ZNF69: variants seen among roughly 807,000 people sequenced by gnomAD.
ZNF69 encodes zinc finger protein 69.
Under a neutral mutation model 50.9 loss-of-function variants are expected in ZNF69, and 47 were observed. That is an observed-to-expected ratio of 0.92 (90% CI 0.73 to 1.18). ZNF69 has a LOEUF of 1.18. Among genes scored for constraint, ZNF69 ranks in the 50% most tolerant of loss-of-function variants. The pLI, the probability that ZNF69 is intolerant of heterozygous loss-of-function variation, is 0.00. For missense variants in ZNF69, 717 were observed against 675.1 expected (o/e 1.06, Z -0.69); for synonymous variants, 216 against 223.1 (o/e 0.97, Z 0.29).
chr19:11,907,146 T>C (rs200031681), downstream of ZNF69, among the ~76,000 whole-genome samples: 1 of 151,826 alleles, frequency 6.6e-6, no homozygotes, highest in Non-Finnish European at 1.5e-5. Flanking sequence ...TAAAAAGAAA[T>C]GAAAAAGCCT....
the ZNF69 span, chr19:11,948,451 A>G: frequency 1.2e-6 from 2 of 1,614,130 alleles, no homozygotes; most frequent in Non-Finnish European, 8.5e-7. Context: ...ATCTTTTAAT[A>G]TGAGCATCAG....
the ZNF69 span, among the ~76,000 whole-genome samples, chr19:11,944,657 T>C: frequency 6.6e-6 from 1 of 152,224 alleles, no homozygotes; most frequent in Non-Finnish European, 1.5e-5. Context: ...AACTAGTAAA[T>C]ACTTGTTATC....
downstream of ZNF69, among the ~76,000 whole-genome samples, chr19:11,916,321 A>G (rs1384845072): frequency 6.6e-6 from 1 of 152,148 alleles, no homozygotes; most frequent in Non-Finnish European, 1.5e-5. Context: ...GGTCAGTCAA[A>G]AATTCAGGGG....
the ZNF69 span, among the ~76,000 whole-genome samples, chr19:11,951,749 AAT>A: frequency 6.6e-6 from 1 of 152,218 alleles, no homozygotes; most frequent in Non-Finnish European, 1.5e-5. Context: ...TATGATTTGA[AAT>A]ATGTTTTCTT....
chr19:11,967,028 TAG>T, the ZNF69 span, among the ~76,000 whole-genome samples: 3 of 152,152 alleles, frequency 2.0e-5, no homozygotes, highest in Admixed American at 2.0e-4. Context: ...GTACAGTGTG[TAG>T]AGAGTTTATT....
At chr19:11,888,344 G>T (rs1428531831) in intron 1 of ZNF69, among the ~76,000 whole-genome samples, 1 of 152,222 alleles carries the variant, frequency 6.6e-6, no homozygotes, top group Non-Finnish European at 1.5e-5. Flanking sequence ...GGTCTGTGGG[G>T]CCCCCAGTGT....
the ZNF69 span, among the ~76,000 whole-genome samples, chr19:11,933,847 A>G: frequency 0.027 from 3,158 of 115,562 alleles, 414 homozygotes; most frequent in African/African-American, 0.12. Flanking sequence ...TCCATCTCAG[A>G]AAAAAAAAAA....
At chr19:11,888,163 C>T (rs1976993347) in intron 1 of ZNF69, among the ~76,000 whole-genome samples, 177 bp downstream of exon 1, 1 of 152,206 alleles carries the variant, frequency 6.6e-6, no homozygotes, top group South Asian at 2.1e-4. Flanking sequence ...GGCCGGTAGC[C>T]GGGACACCAG....
chr19:11,929,454 C>A, the ZNF69 span, among the ~76,000 whole-genome samples: 2 of 148,408 alleles, frequency 1.3e-5, no homozygotes, highest in Non-Finnish European at 2.9e-5. Context: ...TGAACCACTG[C>A]GCCCGGCCTG....
downstream of ZNF69, among the ~76,000 whole-genome samples, chr19:11,918,831 G>T (rs1451998368): frequency 6.6e-6 from 1 of 151,292 alleles, no homozygotes; most frequent in Non-Finnish European, 1.5e-5. Context: ...TTTAACAACT[G>T]CATACTAACC....
In ZNF69 at chr19:11,903,622, G is replaced by A. The variant is rs769913202; in HGVS notation, c.113G>A (p.Trp38Ter). ...GCTGTGAACTTCACCCAGGAGGAGT[G>A]GGCTTTGCTGGATATTTCCCAGAGG... ...DVAVNFTQEE[W>*]ALLDISQRKL... Residue 38 changes from tryptophan (W) to a stop codon, truncating the protein, a stop_gained, in exon 2 of 4, where the codon TGG becomes TAG. Transcript: ENST00000429654. LOFTEE classifies it high-confidence loss of function. 1 of 1,614,126 alleles carries A rather than the reference G, an allele frequency of 6.2e-7. No individual in the cohort carries two copies. The highest frequency in any genetic ancestry group is 1.7e-5 in the Admixed American group (1 of 60,020).
chr19:11,901,192 C>T (rs753261263), intron 1 of ZNF69, among the ~76,000 whole-genome samples: 11 of 152,082 alleles, frequency 7.2e-5, no homozygotes, highest in Admixed American at 7.2e-4. Context: ...ATTTTTAGTA[C>T]ATGTCTTTAT....
At chr19:11,978,163 G>T in the ZNF69 span, 1 of 1,613,898 alleles carries the variant, frequency 6.2e-7, no homozygotes, top group Non-Finnish European at 8.5e-7. Flanking sequence ...GACAGTCATT[G>T]TGGAGAAACT....
the ZNF69 span, chr19:11,976,748 C>A: frequency 1.9e-6 from 1 of 538,544 alleles, no homozygotes; most frequent in Non-Finnish European, 2.7e-6. Context: ...TGCCTGTAAT[C>A]CCAGCTACTC....
the ZNF69 span, chr19:11,925,267 G>A: frequency 6.2e-7 from 1 of 1,612,522 alleles, no homozygotes; most frequent in East Asian, 2.2e-5. Flanking sequence ...CTGAAAGCCG[G>A]GAAATGGTGC....
the ZNF69 span, among the ~76,000 whole-genome samples, chr19:11,941,198 C>A: frequency 6.6e-6 from 1 of 152,246 alleles, no homozygotes; most frequent in African/African-American, 2.4e-5. Flanking sequence ...AGTTTCTCCA[C>A]GTCCCCACCA....
the ZNF69 span, chr19:11,980,001 A>T: frequency 2.6e-6 from 3 of 1,166,124 alleles, no homozygotes; most frequent in Non-Finnish European, 3.8e-6. Context: ...CAATGTGGGA[A>T]AGCCTTTATT....
the ZNF69 span, chr19:11,979,291 G>A: frequency 6.2e-7 from 1 of 1,612,786 alleles, no homozygotes. Context: ...TAAGCAATGT[G>A]GGAAAGCCTT....
At chr19:11,964,370 G>T in the ZNF69 span, among the ~76,000 whole-genome samples, 266 of 152,360 alleles carry the variant, frequency 1.7e-3, 2 homozygotes, top group Admixed American at 1.6e-3. Flanking sequence ...AGGCAGAGTT[G>T]TTTGTATATA....
Sources: gnomAD v4.1 joint callset for allele counts (sites outside exome capture counted in the v4.1 genomes callset) on GRCh38, gnomAD v4.1.1 for gene constraint, MANE v1.5 for transcripts, NCBI Gene and HGNC (gene_info 2026-07-23, HGNC 2026-07-21) for gene names.